MAGI3: variants seen among roughly 807,000 people sequenced by gnomAD.
MAGI3 encodes the protein membrane associated guanylate kinase, WW and PDZ domain containing 3.
Under a neutral mutation model 121.8 loss-of-function variants are expected in MAGI3, and 43 were observed. That is an observed-to-expected ratio of 0.35 (90% CI 0.28 to 0.46). The LOEUF (loss-of-function observed/expected upper bound fraction) is 0.46, where lower values mean the gene tolerates loss of function less well. Among genes scored for constraint, MAGI3 ranks in the 20% least tolerant of loss-of-function variants. The pLI is 1.00. For synonymous variants in MAGI3, 553 were observed against 639.3 expected (o/e 0.86, Z 2.04); for missense variants, 1,547 against 1,797.3 (o/e 0.86, Z 2.52).
rs1239971932 is a variant in MAGI3 at position 113,681,266 on chromosome 1, G to C, written c.3258G>C (p.Glu1086Asp). The C allele has an allele frequency of 1.9e-6, 3 of 1,614,042 alleles. No homozygotes were observed. The highest frequency in any genetic ancestry group is 2.5e-6 in the Non-Finnish European group (3 of 1,180,028). The change falls in exon 20 of 21, where the codon GAG (glutamate) becomes GAC (aspartate). Residue 1086 changes from glutamate to aspartate, a missense_variant. Coordinates refer to ENST00000307546, the MANE Select transcript of MAGI3 (RefSeq NM_001142782.2). ...GAATCACACATACTCGAGCAATTGA[G>C]CTCATTCAGGCTGGTGGAAATAAAG... ...TQGITHTRAIELIQAGGNKVL... is the reference protein window; with the variant it reads ...TQGITHTRAIDLIQAGGNKVL...
At position 113,683,592 on chromosome 1, in the gene MAGI3, A is replaced by T. The variant is rs1248362439; in HGVS notation, c.4024A>T (p.Lys1342Ter). 6.2e-7 allele frequency: 1 copy of T among 1,613,952 alleles called. No homozygotes were observed. The highest frequency in any genetic ancestry group is 8.5e-7 in the Non-Finnish European group (1 of 1,179,890). The change falls in exon 21 of 21, where the codon AAG becomes TAG. Residue 1342 changes from lysine to a stop codon, truncating the protein, a stop_gained. Transcript: ENST00000307546. LOFTEE classifies it low-confidence loss of function (END_TRUNC). Reference protein sequence around the residue: ...EKSDVIRKDAKQNQLEKSRTR... With the variant: ...EKSDVIRKDA ...ATCAGACGTCATCAGGAAAGATGCA[A>T]AGCAGAATCAGTTGGAAAAAAGCAG... is the stretch of plus-strand genomic sequence containing the variant.
At chr1:113,586,705 T>A (rs1400531298) in intron 4 of MAGI3, among the ~76,000 whole-genome samples, 1 of 152,234 alleles carries the variant, frequency 6.6e-6, no homozygotes, top group Admixed American at 6.5e-5. Flanking sequence ...TTAAGTCTGT[T>A]AACATTTAAA....
At chr1:113,450,790 A>G (rs1234939907) in intron 1 of MAGI3, 19 of 779,124 alleles carry the variant, frequency 2.4e-5, no homozygotes, top group Non-Finnish European at 3.9e-5. Context: ...AGTTGTCAGG[A>G]AAACTGCAGC....
chr1:113,595,416 T>A (rs1648938042), intron 6 of MAGI3, among the ~76,000 whole-genome samples: 1 of 152,180 alleles, frequency 6.6e-6, no homozygotes. Flanking sequence ...ATGAATAAAA[T>A]TTGCATTTTT....
chr1:113,641,071 TAATATATATGA>T (rs1170620171), intron 9 of MAGI3, among the ~76,000 whole-genome samples: 5 of 114,478 alleles, frequency 4.4e-5, no homozygotes, highest in South Asian at 2.5e-4. Flanking sequence ...ATGATATATA[TAATATATATGA>T]GATATATATT....
At chr1:113,416,360 TTATATTATATTAA>T (rs1186586902) in intron 1 of MAGI3, among the ~76,000 whole-genome samples, 2 of 121,652 alleles carry the variant, frequency 1.6e-5, no homozygotes, top group Non-Finnish European at 3.3e-5. Context: ...ATATATTAAT[TTATATTATATTAA>T]TATATTAATA....
chr1:113,556,689 A>T (rs2101680648), intron 2 of MAGI3, among the ~76,000 whole-genome samples: 1 of 150,622 alleles, frequency 6.6e-6, no homozygotes, highest in Admixed American at 6.7e-5. Context: ...CAACTTCCTC[A>T]GTTACTGGAA....
chr1:113,598,444 C>A (rs1649158293), intron 6 of MAGI3, among the ~76,000 whole-genome samples: 1 of 151,978 alleles, frequency 6.6e-6, no homozygotes, highest in South Asian at 2.1e-4. Flanking sequence ...ATTCATCTAA[C>A]ACATAAGGAT....
At chr1:113,606,056 C>G (rs1649756040) in intron 6 of MAGI3, among the ~76,000 whole-genome samples, 1 of 152,142 alleles carries the variant, frequency 6.6e-6, no homozygotes, top group Non-Finnish European at 1.5e-5. Context: ...GCCTCCTCCT[C>G]CTGGGTCCAA....
At chr1:113,614,544 G>T (rs986787598) in intron 6 of MAGI3, 57 bp from the exon 7 acceptor site, 1 of 1,271,036 alleles carries the variant, frequency 7.9e-7, no homozygotes, top group Non-Finnish European at 1.1e-6. Flanking sequence ...ACTCACTGGT[G>T]AATTCTTTTC....
chr1:113,561,153 C>A (rs1570864177), intron 2 of MAGI3, among the ~76,000 whole-genome samples: 1 of 152,234 alleles, frequency 6.6e-6, no homozygotes, highest in East Asian at 1.9e-4. Context: ...AAGCCCAGGA[C>A]CAGATGGATT....
At chr1:113,410,567 C>T (rs1168473079) in intron 1 of MAGI3, among the ~76,000 whole-genome samples, 2 of 151,894 alleles carry the variant, frequency 1.3e-5, no homozygotes, top group Non-Finnish European at 2.9e-5. Context: ...ATTTTTCATA[C>T]TAAATTGTCT....
intron 6 of MAGI3, among the ~76,000 whole-genome samples, chr1:113,607,884 G>C (rs1161597339): frequency 6.6e-6 from 1 of 152,144 alleles, no homozygotes; most frequent in Non-Finnish European, 1.5e-5. Context: ...ATTTTTCAAA[G>C]TATTCTCATG....
intron 1 of MAGI3, among the ~76,000 whole-genome samples, chr1:113,495,941 A>G (rs1404586759): frequency 6.6e-6 from 1 of 152,202 alleles, no homozygotes; most frequent in Non-Finnish European, 1.5e-5. Context: ...TATGATTGAT[A>G]ACAGGTTTTT....
chr1:113,481,734 G>C (rs974745675), intron 1 of MAGI3, among the ~76,000 whole-genome samples: 4 of 151,938 alleles, frequency 2.6e-5, no homozygotes, highest in African/African-American at 7.3e-5. Context: ...TTCTATTTTT[G>C]TATTTGTTTT....
chr1:113,672,461 CTCTGA>C (rs3081628), intron 17 of MAGI3, among the ~76,000 whole-genome samples, 149 bp from the exon 18 acceptor site: 152,264 of 152,294 alleles, frequency 1, 76,117 homozygotes, highest in Middle Eastern at 1. Flanking sequence ...CCTAGCACCC[CTCTGA>C]TCTGATTTTA....
chr1:113,626,340 T>C (rs1651239731), intron 9 of MAGI3, among the ~76,000 whole-genome samples: 1 of 152,242 alleles, frequency 6.6e-6, no homozygotes, highest in Non-Finnish European at 1.5e-5. Context: ...ATGTTCTTTT[T>C]AATGTATTGT....
At chr1:113,581,957 T>C (rs1444537328) in intron 3 of MAGI3, among the ~76,000 whole-genome samples, 1 of 152,116 alleles carries the variant, frequency 6.6e-6, no homozygotes, top group Admixed American at 6.6e-5. Context: ...TTGTTTTTTT[T>C]TAAGAAGCCC....
intron 1 of MAGI3, among the ~76,000 whole-genome samples, chr1:113,538,834 A>T (rs1659126634): frequency 6.6e-6 from 1 of 152,188 alleles, no homozygotes; most frequent in Admixed American, 6.5e-5. Flanking sequence ...TTATCCTAGG[A>T]ATGGTGAAAA....
Sources: gnomAD v4.1 joint callset for allele counts (sites outside exome capture counted in the v4.1 genomes callset) on GRCh38, gnomAD v4.1.1 for gene constraint, MANE v1.5 for transcripts, NCBI Gene and HGNC (gene_info 2026-07-23, HGNC 2026-07-21) for gene names.